Variants in MORN1 observed in about 807,000 individuals in gnomAD.
MORN1 encodes MORN repeat containing 1, also known as MORN repeat-containing protein 1.
In MORN1, 67 loss-of-function variants were observed where a neutral mutation model predicts 61.9. The ratio of observed to expected loss-of-function variants is 1.08; its 90% confidence interval spans 0.89 to 1.33. The LOEUF is 1.33. Among genes scored for constraint, MORN1 ranks in the 40% most tolerant of loss-of-function variants. The pLI is 0.00. For synonymous variants in MORN1, 301 were observed against 292.0 expected, an observed-to-expected ratio of 1.03 and a Z score of -0.31; for missense variants, 752 against 691.2, an observed-to-expected ratio of 1.09 and a Z score of -0.99.
At chr1:2,384,534 C>T (rs927027620) in intron 6 of MORN1, among the ~76,000 whole-genome samples, 6 of 152,244 alleles carry the variant, frequency 3.9e-5, no homozygotes, top group African/African-American at 7.2e-5. Context: ...GGAAGTTCCA[C>T]GGTAAGGGCA....
At chr1:2,323,996 C>T in intron 13 of MORN1, 101 bp downstream of exon 13, 1 of 1,471,954 alleles carries the variant, frequency 6.8e-7, no homozygotes, top group Non-Finnish European at 9.0e-7. Flanking sequence ...TCTGGGGGCC[C>T]CGGGCCGAGT....
chr1:2,357,387 G>A lies in MORN1; in HGVS notation c.1036+45C>T. 1 of 1,545,898 alleles carries A rather than the reference G, an allele frequency of 6.5e-7. No homozygotes were observed. Among genetic ancestry groups the A allele is most frequent in the Non-Finnish European group, 8.7e-7 (1 of 1,144,320 alleles). ...GACCCCACCCCCACCTTGACTGCTG[G>A]GCCTGGGCCCACCCACCCCCAACTG... On this transcript the variant is annotated intron_variant, in intron 10 of 13. Coordinates refer to ENST00000378531, the MANE Select transcript of MORN1 (RefSeq NM_024848.3). This position sits in a 1 kb window ranked among gnomAD's most constrained non-coding sequence, Gnocchi z 6.3.
At chr1:2,352,158 T>C (rs780478580) in intron 10 of MORN1, 20 of 326,308 alleles carry the variant, frequency 6.1e-5, no homozygotes, top group Non-Finnish European at 1.1e-4. Flanking sequence ...TCTGCATTAA[T>C]AATAGCTAAT....
chr1:2,322,180 CT>C, intron 13 of MORN1: 5 of 985,404 alleles, frequency 5.1e-6, no homozygotes, highest in Non-Finnish European at 6.0e-6. Context: ...AGTCTGTAAA[CT>C]GTCTGGAGAG....
chr1:2,351,823 T>G, intron 10 of MORN1: 1 of 543,084 alleles, frequency 1.8e-6, no homozygotes, highest in Non-Finnish European at 3.6e-6. Context: ...CTGTGGTCCG[T>G]GTGTGGCAGC....
At position 2,372,334 on chromosome 1, in the gene MORN1, C is replaced by T. The variant is rs991905964; in HGVS notation, c.745+147G>A. On this transcript the variant is annotated intron_variant, in intron 8 of 13. Transcript: ENST00000378531. The surrounding 1 kb of genome is among the most constrained non-coding windows in gnomAD (Gnocchi z 5.4). ...ACTGGCAGGGAAGCTGGCACACCTG[C>T]GACCTCTCTGCCAGGCTCTGGGCAC... 36 of 628,246 alleles carry T rather than the reference C, an allele frequency of 5.7e-5. No individual in the cohort carries two copies. The highest frequency in any genetic ancestry group is 8.5e-5 in the East Asian group (3 of 35,134). The allele number at this position is 628,246 out of a possible 1,614,324, so 38.9% of individuals were successfully genotyped here.
At chr1:2,322,366 G>A in intron 13 of MORN1, 7 of 985,438 alleles carry the variant, frequency 7.1e-6, no homozygotes, top group Non-Finnish European at 8.4e-6. Context: ...TGAAATGGGG[G>A]CAGGAGTCGG....
At chr1:2,367,963 G>C (rs536402092) in intron 8 of MORN1, among the ~76,000 whole-genome samples, 15 of 152,298 alleles carry the variant, frequency 9.8e-5, no homozygotes, top group African/African-American at 3.4e-4. Context: ...AAACACAGGA[G>C]TAAATCTCCA....
chr1:2,374,688 T>C (rs1053253985), intron 6 of MORN1, 131 bp from the exon 7 acceptor site: 5 of 683,606 alleles, frequency 7.3e-6, no homozygotes, highest in Non-Finnish European at 1.2e-5. Context: ...CCACATCGTC[T>C]CGAGGGTCCT....
chr1:2,359,892 A>AG (rs1403108164), intron 8 of MORN1, among the ~76,000 whole-genome samples: 1 of 151,740 alleles, frequency 6.6e-6, no homozygotes, highest in African/African-American at 2.4e-5. Context: ...CAAAAAAAAA[A>AG]AAAGGGAAAC....
At chr1:2,373,464 A>G (rs975396416) in intron 7 of MORN1, among the ~76,000 whole-genome samples, 1 of 152,166 alleles carries the variant, frequency 6.6e-6, no homozygotes, top group African/African-American at 2.4e-5. Context: ...TTTCCCACCT[A>G]GAAATTTCAA....
chr1:2,345,929 C>T (rs1436592370), intron 10 of MORN1, among the ~76,000 whole-genome samples: 1 of 152,226 alleles, frequency 6.6e-6, no homozygotes, highest in Non-Finnish European at 1.5e-5. Flanking sequence ...ATCTTGTCTC[C>T]CCTTTTCCAC....
At chr1:2,345,051 C>G (rs1641481697) in intron 10 of MORN1, among the ~76,000 whole-genome samples, 1 of 151,778 alleles carries the variant, frequency 6.6e-6, no homozygotes, top group South Asian at 2.1e-4. Flanking sequence ...CCATATGTGC[C>G]CCGAAGACAG....
At position 2,357,707 on chromosome 1, in the gene MORN1, C is replaced by T; in HGVS notation, c.870-109G>A. On this transcript the variant is annotated intron_variant, in intron 9 of 13. Coordinates refer to ENST00000378531, the MANE Select transcript of MORN1 (RefSeq NM_024848.3). The surrounding 1 kb of genome is among the most constrained non-coding windows in gnomAD (Gnocchi z 6.3). ...CCCTGGGACTTGCCTACACTGAGTC[C>T]AGGGAGCGCTACTCAGCCTCTCTGG... 1.5e-6 allele frequency: 2 copies of T among 1,313,366 alleles called. No homozygotes were observed. Among genetic ancestry groups the T allele is most frequent in the South Asian group, 1.7e-5 (1 of 58,776 alleles). 81.4% of individuals were successfully genotyped at this position (1,313,366 alleles called of 1,614,324 possible).
intron 12 of MORN1, among the ~76,000 whole-genome samples, chr1:2,327,770 G>T (rs1641068227): frequency 6.6e-6 from 1 of 152,262 alleles, no homozygotes; most frequent in African/African-American, 2.4e-5. Context: ...GCTGCGCCCG[G>T]CTCCCTCCTC....
intron 8 of MORN1, chr1:2,371,872 C>T (rs569547108): frequency 1.2e-5 from 2 of 170,332 alleles, no homozygotes; most frequent in South Asian, 2.1e-4. Context: ...TGCACCACTG[C>T]ACTCCAGCCT....
At chr1:2,353,382 C>T (rs922672082) in intron 10 of MORN1, among the ~76,000 whole-genome samples, 1 of 152,204 alleles carries the variant, frequency 6.6e-6, no homozygotes, top group Non-Finnish European at 1.5e-5. Flanking sequence ...CTAGGGCCTC[C>T]GTGCAGCTGG....
At position 2,357,579 on chromosome 1, in the gene MORN1, A is replaced by T. The variant is rs1345666944; in HGVS notation, c.889T>A (p.Tyr297Asn). The T allele has an allele frequency of 6.2e-7, 1 of 1,605,120 alleles. No individual in the cohort carries two copies. The highest frequency in any genetic ancestry group is 1.1e-5 in the South Asian group (1 of 90,396). ...QTPFGFECIP[Y>N]PVSSPAAGVP... ...CCAGCTGCGGGGCTGGACACAGGAT[A>T]AGGGATGCATTCGAACCCACTGCAA... The change falls in exon 10 of 14, where the codon TAT becomes AAT. Residue 297 changes from tyrosine to asparagine, a missense_variant. By Grantham distance (143) the Tyr-to-Asn change is moderately radical. Coordinates refer to ENST00000378531, the MANE Select transcript of MORN1 (RefSeq NM_024848.3). The surrounding 1 kb of genome is among the most constrained non-coding windows in gnomAD (Gnocchi z 6.3).
chr1:2,328,487 G>C (rs1168069687), intron 12 of MORN1, among the ~76,000 whole-genome samples: 1 of 152,206 alleles, frequency 6.6e-6, no homozygotes, highest in African/African-American at 2.4e-5. Flanking sequence ...TGAGGCAAGA[G>C]TCAAGGAAGA....
Sources: allele counts gnomAD v4.1 joint callset (sites outside exome capture counted in the v4.1 genomes callset), GRCh38; gene constraint gnomAD v4.1.1; non-coding constraint Gnocchi (gnomAD v3.1); transcripts MANE v1.5; gene names NCBI Gene and HGNC (gene_info 2026-07-23, HGNC 2026-07-21).